Variants in RASAL2 observed in about 807,000 individuals in gnomAD.
RASAL2 encodes the protein ras GTPase-activating protein nGAP.
In RASAL2, 58 loss-of-function variants were observed where a neutral mutation model predicts 128.9. That is an observed-to-expected ratio of 0.45 (90% CI 0.36 to 0.56). RASAL2 has a LOEUF of 0.56. Ranked by LOEUF, RASAL2 falls within the 20% of genes least tolerant of loss-of-function variation. RASAL2 has a pLI of 0.00. For missense variants in RASAL2, 1,360 were observed against 1,601.6 expected (o/e 0.85, Z 2.57); for synonymous variants, 561 against 580.8 (o/e 0.97, Z 0.49).
chr1:178,288,525 A>G (rs1667133816), intron 2 of RASAL2, among the ~76,000 whole-genome samples: 1 of 147,102 alleles, frequency 6.8e-6, no homozygotes, highest in East Asian at 2.0e-4. Context: ...TCATTCCATT[A>G]TTTCTTGCCT....
intron 1 of RASAL2, among the ~76,000 whole-genome samples, chr1:178,157,752 G>A (rs915872407): frequency 6.6e-6 from 1 of 152,076 alleles, no homozygotes; most frequent in Non-Finnish European, 1.5e-5. Flanking sequence ...CCCTTCAAGT[G>A]CATCTTTGGA....
At position 178,423,541 on chromosome 1, in the gene RASAL2, A is replaced by G. The variant is rs532445931; in HGVS notation, c.674+2921A>G. ...ATTACAACCACCCTAAGAGATAGTC[A>G]CTGTCATTACTCCTATTTTGAAGAT... On this transcript the variant is annotated intron_variant, in intron 5 of 17. Transcript: ENST00000367649. Among the ~76,000 whole-genome samples the G allele has an allele frequency of 2.6e-5, 4 of 152,264 alleles. No homozygotes were observed. In the East Asian group the frequency reaches 5.8e-4, roughly 22 times the overall value.
chr1:178,334,961 T>A (rs541169382), intron 3 of RASAL2, among the ~76,000 whole-genome samples: 370 of 149,112 alleles, frequency 2.5e-3, no homozygotes, highest in Middle Eastern at 6.9e-3. Flanking sequence ...GTCTAAAATT[T>A]AAAAAAAAAA....
At chr1:178,120,236 T>A (rs1659667204) in intron 1 of RASAL2, among the ~76,000 whole-genome samples, 1 of 152,246 alleles carries the variant, frequency 6.6e-6, no homozygotes, top group African/African-American at 2.4e-5. Context: ...CCTGTTGCAA[T>A]GAACTCATAA....
rs568998901 is a variant in RASAL2 at position 178,216,448 on chromosome 1, G to A, written c.203-67116G>A. ...TCTAGATATATGTATAACTGCAGCC[G>A]TAAAATTAGAGAATGCAATTATTTG... is the stretch of plus-strand genomic sequence containing the variant. On this transcript the variant is annotated intron_variant, in intron 1 of 17. Coordinates refer to ENST00000367649, the MANE Select transcript of RASAL2 (RefSeq NM_170692.4). 2.6e-5 allele frequency among the ~76,000 whole-genome samples: 4 copies of A among 152,222 alleles called. No individual in the cohort carries two copies. In the East Asian group the frequency reaches 7.7e-4, roughly 29 times the overall value.
At chr1:178,389,236 A>G (rs1398927168) in intron 3 of RASAL2, 2 of 979,538 alleles carry the variant, frequency 2.0e-6, no homozygotes, top group African/African-American at 3.5e-5. Flanking sequence ...GAGATTATCT[A>G]ATGTTATCTG....
At chr1:178,198,994 G>A (rs533510464) in intron 1 of RASAL2, among the ~76,000 whole-genome samples, 16 of 152,326 alleles carry the variant, frequency 1.1e-4, no homozygotes, top group East Asian at 1.9e-4. Flanking sequence ...GTTCCTGGCC[G>A]CTTTGTTTAC....
intron 1 of RASAL2, among the ~76,000 whole-genome samples, chr1:178,283,292 G>A (rs375835844): frequency 6.6e-6 from 1 of 152,126 alleles, no homozygotes; most frequent in East Asian, 1.9e-4. Context: ...CATTATTATA[G>A]TTTATATACA....
At chr1:178,462,737 G>A (rs1477040629) in intron 14 of RASAL2, among the ~76,000 whole-genome samples, 1 of 152,060 alleles carries the variant, frequency 6.6e-6, no homozygotes, top group Non-Finnish European at 1.5e-5. Flanking sequence ...ATTAGGAAGT[G>A]GCTGAAAATA....
At chr1:178,334,939 G>C (rs1330879676) in intron 3 of RASAL2, among the ~76,000 whole-genome samples, 1 of 151,986 alleles carries the variant, frequency 6.6e-6, no homozygotes, top group African/African-American at 2.4e-5. Flanking sequence ...TGTGGTGACA[G>C]AGTGAGACTC....
At chr1:178,338,012 G>A (rs1026033077) in intron 3 of RASAL2, among the ~76,000 whole-genome samples, 3 of 152,076 alleles carry the variant, frequency 2.0e-5, no homozygotes, top group Non-Finnish European at 2.9e-5. Context: ...GATTACAGGC[G>A]TGAGCCACTG....
At position 178,380,744 on chromosome 1, in the gene RASAL2, CAGAG is replaced by C. The variant is rs1433246703; in HGVS notation, c.458-9352_458-9349del. Among the ~76,000 whole-genome samples, 9 of 152,226 alleles carry C rather than the reference CAGAG, an allele frequency of 5.9e-5. No homozygotes were observed. In the South Asian group the frequency reaches 1.7e-3, roughly 28 times the overall value. ...AACATTGTGAGAGAAATACTTAAAACAGAGAGAATTCTACCGGTTAAAATTTGTT... is the reference window on the plus strand; with the variant it reads ...AACATTGTGAGAGAAATACTTAAAACAGAATTCTACCGGTTAAAATTTGTT... On this transcript the variant is annotated intron_variant, in intron 3 of 17. Transcript: ENST00000367649.
At chr1:178,226,120 C>G (rs929762483) in intron 1 of RASAL2, among the ~76,000 whole-genome samples, 1 of 152,140 alleles carries the variant, frequency 6.6e-6, no homozygotes, top group Non-Finnish European at 1.5e-5. Flanking sequence ...GTCCGTGGAC[C>G]AGTAGCATAG....
intron 1 of RASAL2, among the ~76,000 whole-genome samples, chr1:178,164,198 T>C (rs1184823908): frequency 6.6e-6 from 1 of 152,124 alleles, no homozygotes; most frequent in Non-Finnish European, 1.5e-5. Flanking sequence ...CTGATAGACA[T>C]AGAAATTAGC....
chr1:178,445,252 C>A (rs1676921002), intron 8 of RASAL2, among the ~76,000 whole-genome samples: 1 of 151,854 alleles, frequency 6.6e-6, no homozygotes, highest in Non-Finnish European at 1.5e-5. Context: ...GAAAGGTAGA[C>A]AGAAACCAGA....
chr1:178,321,402 A>G (rs1571853801), intron 3 of RASAL2, among the ~76,000 whole-genome samples: 2 of 152,140 alleles, frequency 1.3e-5, no homozygotes. Context: ...ATTTTTTAAT[A>G]ATTTTTTCAA....
chr1:178,414,956 G>T (rs1474166384), intron 4 of RASAL2, among the ~76,000 whole-genome samples: 2 of 151,936 alleles, frequency 1.3e-5, no homozygotes, highest in Non-Finnish European at 2.9e-5. Context: ...AGTCATTTGG[G>T]TCATCTCTAT....
chr1:178,204,168 G>A (rs1031927122), intron 1 of RASAL2, among the ~76,000 whole-genome samples: 19 of 152,048 alleles, frequency 1.2e-4, no homozygotes, highest in Admixed American at 2.6e-4. Context: ...TCATTGTATC[G>A]GCATTTAAGT....
In RASAL2 at chr1:178,300,076, G is replaced by A. The variant is rs552402005; in HGVS notation, c.415G>A (p.Gly139Ser). 1.2e-6 allele frequency: 2 copies of A among 1,613,802 alleles called. No homozygotes were observed. Among genetic ancestry groups the A allele is most frequent in the African/African-American group, 2.7e-5 (2 of 74,992 alleles). The stretch of plus-strand genomic sequence containing the variant: ...GAGAACTGTCAGTGTCCCTTCCGAG[G>A]GTCAGTTTCCCGAGTACCCACCAGA... ...LRRTVSVPSE[G>S]QFPEYPPEGA... The change falls in exon 3 of 18, where the codon GGT becomes AGT. Residue 139 changes from glycine (G) to serine (S), a missense_variant. By Grantham distance (56) the Gly-to-Ser change is moderately conservative (BLOSUM62 0). This residue lies in a region of RASAL2 where 617 missense variants were observed against 714.2 expected (regional missense o/e 0.86). Coordinates refer to ENST00000367649, the MANE Select transcript of RASAL2 (RefSeq NM_170692.4).
Sources: allele counts gnomAD v4.1 joint callset (sites outside exome capture counted in the v4.1 genomes callset), GRCh38; gene constraint gnomAD v4.1.1; regional missense constraint gnomAD v4.1.1; transcripts MANE v1.5; gene names NCBI Gene and HGNC (gene_info 2026-07-23, HGNC 2026-07-21).